LIPA: variants seen among roughly 807,000 people sequenced by gnomAD.
LIPA encodes lysosomal acid lipase/cholesteryl ester hydrolase.
A neutral mutation model predicts 40.6 loss-of-function variants in LIPA; 26 were observed. The ratio of observed to expected loss-of-function variants is 0.64; its 90% CI spans 0.47 to 0.89. The LOEUF is 0.89. Ranked by LOEUF, LIPA falls within the 40% of genes least tolerant of loss-of-function variation. The pLI, the probability that LIPA is intolerant of heterozygous loss-of-function variation, is 0.00. For missense variants in LIPA, 455 were observed against 479.6 expected (o/e 0.95, Z 0.48); for synonymous variants, 188 against 168.4 (o/e 1.12, Z -0.90).
At chr10:89,309,493 TA>T (rs1248191408) in intron 1 of LIPA, among the ~76,000 whole-genome samples, 1 of 152,056 alleles carries the variant, frequency 6.6e-6, no homozygotes, top group African/African-American at 2.4e-5. Context: ...TTGATCTGAG[TA>T]AATTAGGACT....
chr10:89,319,699 C>G (rs1274874183), intron 1 of LIPA, among the ~76,000 whole-genome samples: 1 of 152,194 alleles, frequency 6.6e-6, no homozygotes, highest in Non-Finnish European at 1.5e-5. Context: ...GGAATCCTCC[C>G]TAACTCATTT....
intron 2 of LIPA, among the ~76,000 whole-genome samples, chr10:89,372,061 G>C (rs995385701): frequency 3.3e-5 from 5 of 152,234 alleles, no homozygotes; most frequent in African/African-American, 1.2e-4. Flanking sequence ...CTTGAGGGTA[G>C]AGAGTAGGAG....
intron 1 of LIPA, among the ~76,000 whole-genome samples, chr10:89,297,341 G>A (rs1040210252): frequency 2.0e-5 from 3 of 152,062 alleles, no homozygotes; most frequent in East Asian, 1.9e-4. Context: ...GGGAACTCAC[G>A]CTGGGTCTCT....
At chr10:89,294,574 A>C (rs969887488) in intron 1 of LIPA, among the ~76,000 whole-genome samples, 1 of 152,220 alleles carries the variant, frequency 6.6e-6, no homozygotes, top group Non-Finnish European at 1.5e-5. Flanking sequence ...CCCACCTCCC[A>C]ACACTGCCAC....
At chr10:89,360,646 G>A (rs528519165) in intron 2 of LIPA, among the ~76,000 whole-genome samples, 4 of 152,256 alleles carry the variant, frequency 2.6e-5, no homozygotes, top group East Asian at 1.9e-4. Context: ...CACCCGCCTC[G>A]GCCTCCCAAG....
intron 1 of LIPA, among the ~76,000 whole-genome samples, chr10:89,318,914 C>T (rs543203493): frequency 2.9e-3 from 443 of 152,308 alleles, no homozygotes; most frequent in Admixed American, 3.7e-3. Context: ...GAAACTCACT[C>T]AAAACTGCTC....
At position 89,295,074 on chromosome 10, in the gene LIPA, AGGAAT is replaced by A. The variant is rs1441199427; in HGVS notation, c.-1-47430_-1-47426del. 1.7e-3 allele frequency among the ~76,000 whole-genome samples: 249 copies of A among 145,362 alleles called. 1 individual carries two copies. The highest frequency in any genetic ancestry group is 5.8e-3 in the African/African-American group (224 of 38,546). On this transcript the variant is annotated intron_variant, in intron 1 of 5. Coordinates refer to the LIPA transcript ENST00000282673. ...AGGAAAGGAAAGGAAAGGAAAGGAA[AGGAAT>A]GGAAAGGAAAAAAGAATGGGGAGCT...
At chr10:89,258,256 C>T (rs1212946159) in intron 1 of LIPA, among the ~76,000 whole-genome samples, 1 of 152,020 alleles carries the variant, frequency 6.6e-6, no homozygotes, top group African/African-American at 2.4e-5. Context: ...TGAACCTAGA[C>T]CCTTAAGTCA....
At chr10:89,283,979 T>C (rs1017160467) in intron 1 of LIPA, 2 of 152,248 alleles carry the variant, frequency 1.3e-5, no homozygotes, top group African/African-American at 4.8e-5. Flanking sequence ...GTGCTGGATT[T>C]GGGCATCTGC....
chr10:89,299,980 A>G (rs1843435795), intron 1 of LIPA, among the ~76,000 whole-genome samples: 1 of 152,242 alleles, frequency 6.6e-6, no homozygotes, highest in Non-Finnish European at 1.5e-5. Context: ...TGTTCATCAC[A>G]CCACTATTCA....
intron 7 of LIPA, 128 bp downstream of exon 7, chr10:89,223,556 G>T: frequency 2.4e-6 from 2 of 823,906 alleles, no homozygotes; most frequent in Non-Finnish European, 4.0e-6. Context: ...GTTCATGCTT[G>T]TGCCTCTCAA....
At chr10:89,297,589 C>T (rs1843422747) in intron 1 of LIPA, among the ~76,000 whole-genome samples, 1 of 152,144 alleles carries the variant, frequency 6.6e-6, no homozygotes, top group Non-Finnish European at 1.5e-5. Flanking sequence ...GTGCAATGTG[C>T]CAAAAAGACA....
At chr10:89,383,540 A>C in intron 2 of LIPA, 1 of 1,614,230 alleles carries the variant, frequency 6.2e-7, no homozygotes, top group Non-Finnish European at 8.5e-7. Context: ...GTCAGCTTGA[A>C]AAAGGCTGAA....
At chr10:89,284,356 C>A (rs1310414856) in intron 1 of LIPA, 2 of 152,200 alleles carry the variant, frequency 1.3e-5, no homozygotes, top group Non-Finnish European at 2.9e-5. Context: ...ATTGGCAGCT[C>A]TAGCAAAGGA....
At chr10:89,227,607 T>A (rs554441488) in intron 4 of LIPA, among the ~76,000 whole-genome samples, 62 of 152,296 alleles carry the variant, frequency 4.1e-4, no homozygotes, top group African/African-American at 1.4e-3. Context: ...TGCGTATGGG[T>A]ATATGCATGC....
chr10:89,393,344 AC>A, intron 2 of LIPA: 1 of 1,241,878 alleles, frequency 8.1e-7, no homozygotes, highest in Non-Finnish European at 1.0e-6. Context: ...GGCTCTTGGT[AC>A]GTCCTTGACT....
At chr10:89,370,974 C>T (rs1047179009) in intron 2 of LIPA, among the ~76,000 whole-genome samples, 3 of 152,206 alleles carry the variant, frequency 2.0e-5, no homozygotes, top group Non-Finnish European at 4.4e-5. Flanking sequence ...GCCGAGATCG[C>T]ACCACTGCAC....
chr10:89,248,488 ATTTT>A (rs1843068108), intron 1 of LIPA, among the ~76,000 whole-genome samples: 1 of 117,012 alleles, frequency 8.5e-6, no homozygotes, highest in Non-Finnish European at 1.8e-5. Flanking sequence ...TTATTTATTT[ATTTT>A]GAGGCTGAGT....
chr10:89,262,939 G>A (rs57144189), intron 1 of LIPA, among the ~76,000 whole-genome samples: 36,835 of 152,100 alleles, frequency 0.24, 5,324 homozygotes, highest in African/African-American at 0.41. Flanking sequence ...CCAATTACAT[G>A]TGCAGTTGTT....
Sources: allele counts gnomAD v4.1 joint callset (sites outside exome capture counted in the v4.1 genomes callset), GRCh38; gene constraint gnomAD v4.1.1; transcripts MANE v1.5; gene names NCBI Gene and HGNC (gene_info 2026-07-23, HGNC 2026-07-21).